EOLA1: variants seen among roughly 807,000 people sequenced by gnomAD.
EOLA1 encodes endothelium and lymphocyte associated ASCH domain 1.
EOLA1 carries 1 observed loss-of-function variant against 4.5 expected under a neutral mutation model. The ratio of observed to expected loss-of-function variants is 0.22; its 90% CI spans 0.08 to 1.05. The LOEUF (loss-of-function observed/expected upper bound fraction) is 1.05, where lower values mean the gene tolerates loss of function less well. Ranked by LOEUF, EOLA1 falls within the 50% of genes least tolerant of loss-of-function variation. EOLA1 has a pLI of 0.57. For missense variants in EOLA1, 69 were observed against 127.2 expected, an observed-to-expected ratio of 0.54 and a Z score of 2.20; for synonymous variants, 37 against 52.3, an observed-to-expected ratio of 0.71 and a Z score of 1.26.
rs782273875 is a variant in EOLA1 at position 149,545,690 on chromosome X, C to G, written c.60C>G (p.Ile20Met). 20 of 1,211,917 alleles carry G rather than the reference C, an allele frequency of 1.7e-5. No individual in the cohort carries two copies. Among genetic ancestry groups the G allele is most frequent in the Non-Finnish European group, 2.2e-5 (20 of 895,371 alleles). The change falls in exon 4 of 5, where the codon ATC (isoleucine) becomes ATG (methionine). Residue 20 changes from isoleucine (I) to methionine (M), a missense_variant. Transcript: ENST00000393985. ...QPYAGFVLNGIKTVETRWRPL... is the reference protein window; with the variant it reads ...QPYAGFVLNGMKTVETRWRPL... ...ATGCTGGCTTTGTCTTAAATGGAAT[C>G]AAGACTGTGGAGACGCGCTGGCGTC...
upstream of EOLA1, chrX:149,540,990 A>G (rs2089717850): frequency 8.8e-6 from 1 of 113,026 alleles, no homozygotes; most frequent in Non-Finnish European, 1.9e-5. Flanking sequence ...CGTGAAAGGG[A>G]TGACGGGAGC....
intron 4 of EOLA1, 128 bp downstream of exon 4, chrX:149,546,011 C>T: frequency 1.2e-6 from 1 of 816,280 alleles, no homozygotes. Context: ...CCTTTGGCAA[C>T]ACACCTTCAA....
rs146269287 is a variant in EOLA1, at chrX:149,545,712, C to T, written c.82C>T (p.Arg28Cys). 1.7e-4 allele frequency: 203 copies of T among 1,210,433 alleles called. No individual in the cohort carries two copies. The African/African-American group carries it at 2.2e-3, about 13-fold the overall frequency. Reference protein sequence around the residue: ...NGIKTVETRWRPLLSSQRNCT... With the variant: ...NGIKTVETRWCPLLSSQRNCT... ...AATCAAGACTGTGGAGACGCGCTGG[C>T]GTCCCCTGCTGAGCAGCCAGCGGAA... Residue 28 changes from arginine to cysteine, a missense_variant, in exon 4 of 5, where the codon CGT becomes TGT. Physicochemically the swap from Arg to Cys is radical, Grantham distance 180. Transcript: ENST00000393985.
At chrX:149,554,122 T>TAAGG (rs2089915363), downstream of EOLA1, among the ~76,000 whole-genome samples, 4 of 53,563 alleles carry the variant, frequency 7.5e-5, no homozygotes, top group Admixed American at 4.9e-4. Context: ...GAGGGTGCCT[T>TAAGG]GTTGACCATG....
At chrX:149,542,760 T>C (rs1258210089) in intron 2 of EOLA1, among the ~76,000 whole-genome samples, 1 of 109,866 alleles carries the variant, frequency 9.1e-6, no homozygotes, top group Non-Finnish European at 1.9e-5. Context: ...TTTGCCAAGA[T>C]GGCTGAAACA....
intron 1 of EOLA1, 108 bp from the exon 2 acceptor site, chrX:149,541,911 C>G (rs2089736952): frequency 1.6e-6 from 1 of 622,178 alleles, no homozygotes; most frequent in African/African-American, 2.4e-5. Flanking sequence ...CCTCCCAGCT[C>G]TTCTTGGTTT....
chrX:149,548,387 C>G (rs1238033562), downstream of EOLA1: 10 of 931,987 alleles, frequency 1.1e-5, no homozygotes, highest in African/African-American at 1.0e-4. Context: ...ATCTGAGGAG[C>G]CTTCCTACTC....
chrX:149,544,723 G>A (rs782336061), intron 2 of EOLA1: 82 of 751,211 alleles, frequency 1.1e-4, no homozygotes, highest in Non-Finnish European at 1.2e-4. Flanking sequence ...GGCTGGGCAA[G>A]AGTTGTGGGA....
At chrX:149,541,594 G>A (rs1255391784) in intron 1 of EOLA1, 2 of 147,037 alleles carry the variant, frequency 1.4e-5, no homozygotes, top group African/African-American at 6.3e-5. Flanking sequence ...CTGAGGCCGG[G>A]CGGTGCACAG....
At chrX:149,544,845 G>T in intron 2 of EOLA1, 1 of 753,725 alleles carries the variant, frequency 1.3e-6, no homozygotes, top group Non-Finnish European at 1.6e-6. Context: ...TTGATGATCC[G>T]AGGATCATGC....
Position 149,548,228 on chromosome X carries a change from A to G in EOLA1, c.*1266A>G. On this transcript the variant is annotated 3_prime_UTR_variant, in exon 5 of 5. Coordinates refer to ENST00000393985, the MANE Select transcript of EOLA1 (RefSeq NM_001171907.3). ...ACAACAGTTCTCATTTAAATTGTTT[A>G]TTATTTATTTCCATGGAATTTTGTT... 1 of 374,461 alleles carries G rather than the reference A, an allele frequency of 2.7e-6. No individual in the cohort carries two copies. The highest frequency in any genetic ancestry group is 4.1e-6 in the Non-Finnish European group (1 of 243,182). The allele number at this position is 374,461 out of a possible 1,213,427, so 30.9% of individuals were successfully genotyped here.
Position 149,546,807 on chromosome X carries a change from G to GA in EOLA1, c.326dup (p.Asn109LysfsTer28), listed in dbSNP as rs2089856981. On this transcript the variant is annotated frameshift_variant, in exon 5 of 5. Coordinates refer to ENST00000393985, the MANE Select transcript of EOLA1 (RefSeq NM_001171907.3). LOFTEE classifies it low-confidence loss of function (END_TRUNC). ...AACTCCCGATGAGGTTGTGGAACTA[G>GA]AAAATCAAGCTGTACTGACCAACCT... 8.3e-7 allele frequency: 1 copy of GA among 1,208,666 alleles called. No homozygotes were observed. Among genetic ancestry groups the GA allele is most frequent in the Non-Finnish European group, 1.1e-6 (1 of 894,842 alleles).
At position 149,541,116 on chromosome X, in the gene EOLA1, C is replaced by G. The variant is rs2124119677; in HGVS notation, c.-457C>G. 8.9e-6 allele frequency: 1 copy of G among 112,263 alleles called. No homozygotes were observed. Among genetic ancestry groups the G allele is most frequent in the South Asian group, 3.8e-4 (1 of 2,654 alleles). The allele number at this position is 112,263 out of a possible 1,213,427, so 9.3% of individuals were successfully genotyped here. A position where few individuals can be genotyped will look rare whatever the true frequency, so the allele number is the denominator to read the frequency against. On this transcript the variant is annotated 5_prime_UTR_variant, in exon 1 of 5. Transcript: ENST00000393985. ...ACTAGCCAGGCGCTCCCTCTTCTCA[C>G]AGCGGCCCACGTCTCCTTGCTTGGG... is the stretch of plus-strand genomic sequence containing the variant.
chrX:149,541,970 G>C lies in EOLA1; in HGVS notation c.-229-49G>C, dbSNP rs2089738275. ...CTTCTTAGGGCCATTAACCAGCTTT[G>C]CTGTCTTGCACTTAATGACCTTTCC... is the stretch of plus-strand genomic sequence containing the variant. On this transcript the variant is annotated intron_variant, in intron 1 of 4. Coordinates refer to ENST00000393985, the MANE Select transcript of EOLA1 (RefSeq NM_001171907.3). 1.2e-5 allele frequency: 8 copies of C among 681,793 alleles called. No individual in the cohort carries two copies. The South Asian group carries it at 4.6e-4, about 39-fold the overall frequency. The allele number at this position is 681,793 out of a possible 1,213,427, so 56.2% of individuals were successfully genotyped here.
At chrX:149,544,892 G>C (rs1383702012) in intron 2 of EOLA1, 10 of 752,159 alleles carry the variant, frequency 1.3e-5, no homozygotes, top group Non-Finnish European at 1.6e-5. Context: ...CATGTGTGTG[G>C]GGTTGCTAGT....
chrX:149,546,043 C>T (rs1557347759), intron 4 of EOLA1, among the ~76,000 whole-genome samples, 160 bp downstream of exon 4: 1 of 109,499 alleles, frequency 9.1e-6, no homozygotes, highest in Admixed American at 9.7e-5. Flanking sequence ...GGACCTTGGG[C>T]TGGGGGTTGG....
At position 149,541,059 on chromosome X, in the gene EOLA1, G is replaced by A. The variant is rs879991825; in HGVS notation, c.-514G>A. 2.7e-5 allele frequency: 3 copies of A among 112,525 alleles called. No individual in the cohort carries two copies. The highest frequency in any genetic ancestry group is 7.3e-4 in the South Asian group (2 of 2,745). 9.3% of individuals were successfully genotyped at this position (112,525 alleles called of 1,213,427 possible). ...ACCTGTCACTGGCCACTGGTTTCCC[G>A]GAGTTAGCGGCAACGACCTTGCAGC... is the stretch of plus-strand genomic sequence containing the variant. On this transcript the variant is annotated 5_prime_UTR_variant, in exon 1 of 5. Coordinates refer to ENST00000393985, the MANE Select transcript of EOLA1 (RefSeq NM_001171907.3).
In EOLA1 at chrX:149,541,953, G is replaced by A. The variant is rs41314145; in HGVS notation, c.-229-66G>A. 3,132 of 644,584 alleles carry A rather than the reference G, an allele frequency of 4.9e-3. 6 individuals carry two copies. The highest frequency in any genetic ancestry group is 5.6e-3 in the Non-Finnish European group (2,991 of 538,519). The allele number at this position is 644,584 out of a possible 1,213,427, so 53.1% of individuals were successfully genotyped here. On this transcript the variant is annotated intron_variant, in intron 1 of 4. Transcript: ENST00000393985. ...CCTGCTAAGTACATGACCTTCTTAGGGCCATTAACCAGCTTTGCTGTCTTG... is the reference window on the plus strand; with the variant it reads ...CCTGCTAAGTACATGACCTTCTTAGAGCCATTAACCAGCTTTGCTGTCTTG...
chrX:149,544,542 G>C (rs1485409511), intron 2 of EOLA1: 1 of 750,070 alleles, frequency 1.3e-6, no homozygotes. Flanking sequence ...GTACTGGGCT[G>C]GGTGCTCTTG....
Sources: gnomAD v4.1 joint callset for allele counts (sites outside exome capture counted in the v4.1 genomes callset) on GRCh38, gnomAD v4.1.1 for gene constraint, MANE v1.5 for transcripts, NCBI Gene and HGNC (gene_info 2026-07-23, HGNC 2026-07-21) for gene names.